The following ZNF385D variants were observed in gnomAD, a reference collection of about 807,000 sequenced individuals.
The protein encoded by ZNF385D is zinc finger protein 385D, also known as zinc finger protein 659.
In ZNF385D, 15 loss-of-function variants were observed where a neutral mutation model predicts 35.8. The observed-to-expected ratio is 0.42, with a 90% CI of 0.28 to 0.64. The LOEUF is 0.64. Ranked by LOEUF, ZNF385D falls within the 30% of genes least tolerant of loss-of-function variation. ZNF385D has a pLI of 0.23. For synonymous variants in ZNF385D, 212 were observed against 186.8 expected, an observed-to-expected ratio of 1.13 and a Z score of -1.10; for missense variants, 474 against 494.6, an observed-to-expected ratio of 0.96 and a Z score of 0.39.
At chr3:21,592,322 C>G (rs1259410273) in intron 2 of ZNF385D, among the ~76,000 whole-genome samples, 1 of 152,004 alleles carries the variant, frequency 6.6e-6, no homozygotes, top group Non-Finnish European at 1.5e-5. Context: ...AGTATTCCAT[C>G]TGTATTCCAA....
At chr3:21,899,519 A>C (rs760582302) in intron 3 of ZNF385D, among the ~76,000 whole-genome samples, 21 of 152,110 alleles carry the variant, frequency 1.4e-4, no homozygotes, top group Non-Finnish European at 2.4e-4. Flanking sequence ...ATTTACAACA[A>C]GTTCCCAGGT....
At chr3:22,069,934 C>T (rs1391583960) in intron 3 of ZNF385D, among the ~76,000 whole-genome samples, 1 of 152,162 alleles carries the variant, frequency 6.6e-6, no homozygotes, top group South Asian at 2.1e-4. Flanking sequence ...GAGTGCCAAG[C>T]TCTCAGCAGC....
chr3:21,941,037 A>G (rs776542362), intron 3 of ZNF385D, among the ~76,000 whole-genome samples: 1 of 152,232 alleles, frequency 6.6e-6, no homozygotes, highest in Non-Finnish European at 1.5e-5. Flanking sequence ...GGACAAAAGC[A>G]AATTATCTTG....
At chr3:21,749,240 C>A (rs1038886158) in intron 1 of ZNF385D, among the ~76,000 whole-genome samples, 2 of 152,148 alleles carry the variant, frequency 1.3e-5, no homozygotes, top group African/African-American at 4.8e-5. Flanking sequence ...TTACAAGAGG[C>A]TGAACTAGCA....
At chr3:21,501,995 C>T (rs139877592) in intron 4 of ZNF385D, among the ~76,000 whole-genome samples, 56 of 152,308 alleles carry the variant, frequency 3.7e-4, no homozygotes, top group African/African-American at 1.3e-3. Flanking sequence ...ACACTGTATA[C>T]ACATACTCAC....
chr3:21,889,662 T>C (rs1318337362), intron 3 of ZNF385D, among the ~76,000 whole-genome samples: 1 of 151,836 alleles, frequency 6.6e-6, no homozygotes, highest in African/African-American at 2.4e-5. Context: ...TAGAGAAGAG[T>C]ACTTGGGTTT....
chr3:21,719,610 A>C (rs1167445363), intron 1 of ZNF385D, among the ~76,000 whole-genome samples: 2 of 152,212 alleles, frequency 1.3e-5, no homozygotes, highest in African/African-American at 4.8e-5. Flanking sequence ...ACAAGCATGT[A>C]TAGCTACTGC....
chr3:22,038,218 T>C (rs1698456611), intron 3 of ZNF385D, among the ~76,000 whole-genome samples: 1 of 152,182 alleles, frequency 6.6e-6, no homozygotes, highest in Non-Finnish European at 1.5e-5. Context: ...AGGAGTTTTC[T>C]TGATTGAAAT....
chr3:21,829,914 A>C (rs544797328), intron 3 of ZNF385D, among the ~76,000 whole-genome samples: 5 of 152,170 alleles, frequency 3.3e-5, no homozygotes, highest in Non-Finnish European at 7.4e-5. Context: ...ACTTGAAGTC[A>C]GGAGTTCAAG....
At chr3:21,594,261 C>G (rs933424039) in intron 2 of ZNF385D, among the ~76,000 whole-genome samples, 13 of 152,172 alleles carry the variant, frequency 8.5e-5, no homozygotes, top group Non-Finnish European at 1.5e-4. Flanking sequence ...CTCTGGACTT[C>G]CCATGGTTGT....
At chr3:21,968,359 C>A (rs1703031190) in intron 3 of ZNF385D, among the ~76,000 whole-genome samples, 1 of 152,056 alleles carries the variant, frequency 6.6e-6, no homozygotes, top group South Asian at 2.1e-4. Context: ...AATTCCCAGG[C>A]AAGTCCAGGT....
chr3:21,686,440 A>T (rs1193338215), intron 1 of ZNF385D, among the ~76,000 whole-genome samples: 1 of 152,212 alleles, frequency 6.6e-6, no homozygotes, highest in East Asian at 1.9e-4. Flanking sequence ...AGCAATACTG[A>T]ACTATCGCAA....
At chr3:22,260,387 A>G (rs1258277166) in intron 2 of ZNF385D, among the ~76,000 whole-genome samples, 1 of 151,864 alleles carries the variant, frequency 6.6e-6, no homozygotes, top group Non-Finnish European at 1.5e-5. Context: ...TAGGACAAAT[A>G]CCTAATGCAA....
intron 3 of ZNF385D, among the ~76,000 whole-genome samples, chr3:22,114,748 G>T (rs1702723609): frequency 6.6e-6 from 1 of 152,028 alleles, no homozygotes; most frequent in Non-Finnish European, 1.5e-5. Context: ...GTGAATGTTT[G>T]TGTTCCTCCA....
chr3:22,069,578 ATC>A (rs1185386142), intron 3 of ZNF385D, among the ~76,000 whole-genome samples: 1 of 152,230 alleles, frequency 6.6e-6, no homozygotes, highest in Non-Finnish European at 1.5e-5. Context: ...GCATAAGTAT[ATC>A]TGTGTTTTAG....
intron 3 of ZNF385D, among the ~76,000 whole-genome samples, chr3:22,145,961 A>G (rs1704826020): frequency 6.6e-6 from 1 of 152,134 alleles, no homozygotes; most frequent in Admixed American, 6.6e-5. Flanking sequence ...GATTATTAAC[A>G]GCAACAGGAT....
At chr3:22,192,077 T>C (rs1023210097) in intron 2 of ZNF385D, among the ~76,000 whole-genome samples, 7 of 152,108 alleles carry the variant, frequency 4.6e-5, no homozygotes, top group African/African-American at 1.7e-4. Flanking sequence ...CTTACTCAAG[T>C]GATTCTTTCA....
chr3:21,687,687 GA>G (rs1193160159), intron 1 of ZNF385D, among the ~76,000 whole-genome samples: 1 of 152,072 alleles, frequency 6.6e-6, no homozygotes, highest in African/African-American at 2.4e-5. Flanking sequence ...GTATCATAAA[GA>G]ACAGTTTTAT....
At chr3:22,220,125 A>C (rs1275543067) in intron 2 of ZNF385D, among the ~76,000 whole-genome samples, 2 of 149,322 alleles carry the variant, frequency 1.3e-5, no homozygotes, top group African/African-American at 5.0e-5. Flanking sequence ...TTGCAGTGGT[A>C]GGATCATGGC....
Sources: gnomAD v4.1 joint callset for allele counts (sites outside exome capture counted in the v4.1 genomes callset) on GRCh38, gnomAD v4.1.1 for gene constraint, MANE v1.5 for transcripts, NCBI Gene and HGNC (gene_info 2026-07-23, HGNC 2026-07-21) for gene names.